Variants in TRHDE observed in about 807,000 individuals in gnomAD.
TRHDE encodes the protein thyrotropin releasing hormone degrading enzyme, also known as thyrotropin-releasing hormone-degrading ectoenzyme.
In TRHDE, 72 loss-of-function variants were observed where a neutral mutation model predicts 125.7. That is an observed-to-expected ratio of 0.57 (90% confidence interval 0.47 to 0.70). The LOEUF is 0.70. Ranked by LOEUF, TRHDE falls within the 30% of genes least tolerant of loss-of-function variation. The probability of loss-of-function intolerance (pLI) is 0.00; values close to 1 mark genes in which losing one functional copy is unlikely to be tolerated. For missense variants in TRHDE, 1,110 were observed against 1,327.1 expected (o/e 0.84, Z 2.54); for synonymous variants, 509 against 509.1 (o/e 1.00, Z 0.00).
At chr12:72,513,280 C>T (rs1038289613) in intron 6 of TRHDE, among the ~76,000 whole-genome samples, 1 of 152,116 alleles carries the variant, frequency 6.6e-6, no homozygotes, top group African/African-American at 2.4e-5. Flanking sequence ...ATCAGAGTTT[C>T]AGCTTCAAAC....
chr12:72,306,944 G>T (rs1868350401), intron 2 of TRHDE, among the ~76,000 whole-genome samples: 1 of 152,126 alleles, frequency 6.6e-6, no homozygotes, highest in South Asian at 2.1e-4. Context: ...TTCACACAGA[G>T]GGAACAGGAG....
At chr12:72,119,066 T>G (rs1282131515) in intron 2 of TRHDE, among the ~76,000 whole-genome samples, 1 of 152,126 alleles carries the variant, frequency 6.6e-6, no homozygotes, top group Non-Finnish European at 1.5e-5. Flanking sequence ...TCTTTATTTA[T>G]TTTTTCTACT....
intron 2 of TRHDE, among the ~76,000 whole-genome samples, chr12:72,367,100 C>T (rs1871368883): frequency 6.6e-6 from 1 of 152,034 alleles, no homozygotes; most frequent in Non-Finnish European, 1.5e-5. Context: ...ACTCCCCATC[C>T]ATCACCAATT....
At position 72,597,672 on chromosome 12, in the gene TRHDE, A is replaced by AAAAAAC. The variant is rs1261505268; in HGVS notation, c.2322-21214_2322-21213insCAAAAA. On this transcript the variant is annotated intron_variant, in intron 12 of 18. Coordinates refer to ENST00000261180, the MANE Select transcript of TRHDE (RefSeq NM_013381.3). The stretch of plus-strand genomic sequence containing the variant: ...GCCAGAGCAAGACCTTGTCTAAAAA[A>AAAAAAC]AAAAAAAAACTAAGAGAGGTATATA... Among the ~76,000 whole-genome samples, 2 of 141,438 alleles carry AAAAAAC rather than the reference A, an allele frequency of 1.4e-5. 1 individual carries two copies. The allele number at this position is 141,438 out of a possible 152,430, so 92.8% of individuals were successfully genotyped here.
chr12:72,518,266 A>T (rs916647602), intron 6 of TRHDE, among the ~76,000 whole-genome samples: 9 of 144,090 alleles, frequency 6.2e-5, no homozygotes, highest in Non-Finnish European at 1.4e-4. Context: ...CCCATTATTA[A>T]TGTGTGGGAG....
intron 2 of TRHDE, among the ~76,000 whole-genome samples, chr12:72,321,386 A>T (rs989507593): frequency 1.3e-5 from 2 of 152,182 alleles, no homozygotes; most frequent in African/African-American, 4.8e-5. Context: ...CTGTCAATTT[A>T]TAACTTTTTG....
chr12:72,192,635 A>AG (rs1877363464), intron 2 of TRHDE, among the ~76,000 whole-genome samples: 1 of 152,084 alleles, frequency 6.6e-6, no homozygotes, highest in Admixed American at 6.5e-5. Context: ...CTGGATTTGA[A>AG]GCCTGGATCT....
At chr12:72,156,012 G>C (rs1293035527) in intron 2 of TRHDE, among the ~76,000 whole-genome samples, 1 of 152,214 alleles carries the variant, frequency 6.6e-6, no homozygotes, top group Non-Finnish European at 1.5e-5. Flanking sequence ...ACAGAGGCAG[G>C]CAGGCCTCCT....
intron 2 of TRHDE, among the ~76,000 whole-genome samples, chr12:72,206,173 G>T (rs530624414): frequency 3.3e-5 from 5 of 150,116 alleles, no homozygotes; most frequent in Non-Finnish European, 7.4e-5. Context: ...TGCAACGTCC[G>T]CCTCCTGGGT....
At chr12:72,500,541 T>C (rs1878105348) in intron 6 of TRHDE, among the ~76,000 whole-genome samples, 1 of 151,916 alleles carries the variant, frequency 6.6e-6, no homozygotes, top group African/African-American at 2.4e-5. Context: ...GCAGGCATGT[T>C]CCACTATGCC....
chr12:72,389,840 G>C (rs1028579792), intron 3 of TRHDE, among the ~76,000 whole-genome samples: 2 of 152,180 alleles, frequency 1.3e-5, no homozygotes, highest in Admixed American at 6.5e-5. Flanking sequence ...GCTGCCTCAT[G>C]TAGAACAGAC....
intron 18 of TRHDE, among the ~76,000 whole-genome samples, chr12:72,657,258 C>T (rs1354845450): frequency 6.6e-6 from 1 of 152,068 alleles, no homozygotes; most frequent in African/African-American, 2.4e-5. Flanking sequence ...ACCCACAATC[C>T]ACTTCAGAGA....
intron 6 of TRHDE, among the ~76,000 whole-genome samples, chr12:72,522,210 A>G (rs910882168): frequency 1.3e-5 from 2 of 152,194 alleles, no homozygotes; most frequent in Non-Finnish European, 2.9e-5. Context: ...AGTCACCTAC[A>G]CCAGACTGCT....
chr12:72,661,918 C>G (rs945940879), intron 18 of TRHDE, among the ~76,000 whole-genome samples: 6 of 152,184 alleles, frequency 3.9e-5, no homozygotes, highest in African/African-American at 1.4e-4. Flanking sequence ...GCTAATGCTG[C>G]TGGGCAAAGG....
At chr12:72,289,602 C>T (rs1314016505) in intron 2 of TRHDE, among the ~76,000 whole-genome samples, 2 of 152,172 alleles carry the variant, frequency 1.3e-5, no homozygotes, top group East Asian at 3.8e-4. Flanking sequence ...GGTTACACTC[C>T]TATTTGGTAA....
chr12:72,629,403 C>A (rs961156401), intron 15 of TRHDE, among the ~76,000 whole-genome samples: 3 of 151,490 alleles, frequency 2.0e-5, no homozygotes, highest in Non-Finnish European at 4.4e-5. Context: ...TAGTAATTTT[C>A]TTATTGTGCT....
chr12:72,279,723 C>G (rs1239660727), intron 1 of TRHDE, among the ~76,000 whole-genome samples: 1 of 152,046 alleles, frequency 6.6e-6, no homozygotes, highest in Non-Finnish European at 1.5e-5. Flanking sequence ...GGGTGAAGAA[C>G]CCAGGCTCAC....
intron 2 of TRHDE, among the ~76,000 whole-genome samples, chr12:72,246,967 C>G (rs923457767): frequency 6.6e-6 from 1 of 152,134 alleles, no homozygotes; most frequent in Non-Finnish European, 1.5e-5. Context: ...ATGATTAATT[C>G]AATTCAACTT....
intron 3 of TRHDE, among the ~76,000 whole-genome samples, chr12:72,404,021 C>CTG (rs142321973): frequency 4.9e-4 from 74 of 152,114 alleles, no homozygotes; most frequent in South Asian, 1.0e-3. Context: ...ATCTTTGCCT[C>CTG]TGTGTGTGTG....
Sources: allele counts gnomAD v4.1 joint callset (sites outside exome capture counted in the v4.1 genomes callset), GRCh38; gene constraint gnomAD v4.1.1; transcripts MANE v1.5; gene names NCBI Gene and HGNC (gene_info 2026-07-23, HGNC 2026-07-21).